Variants in UNC93A observed in about 807,000 individuals in gnomAD.
UNC93A encodes the protein unc-93 homolog A.
A neutral mutation model predicts 47.5 loss-of-function variants in UNC93A; 43 were observed. That is an observed-to-expected ratio of 0.91 (90% CI 0.71 to 1.17). UNC93A has a LOEUF of 1.17. UNC93A is among the 50% of genes most tolerant of loss of function. The pLI is 0.00. For synonymous variants in UNC93A, 280 were observed against 258.0 expected, an observed-to-expected ratio of 1.09 and a Z score of -0.82; for missense variants, 605 against 577.6, an observed-to-expected ratio of 1.05 and a Z score of -0.49.
At chr6:167,299,131 T>C (rs2346118) in intron 4 of UNC93A, among the ~76,000 whole-genome samples, 2 of 136,402 alleles carry the variant, frequency 1.5e-5, no homozygotes, top group East Asian at 4.2e-4. Flanking sequence ...AAAAAAAAAA[T>C]ACACACACAC....
rs1778448433 is a variant in UNC93A, at chr6:167,307,917, C to A, written c.1108+7C>A. 1 of 1,613,078 alleles carries A rather than the reference C, an allele frequency of 6.2e-7. No homozygotes were observed. The highest frequency in any genetic ancestry group is 8.5e-7 in the Non-Finnish European group (1 of 1,179,492). ...TGGCAGACACAAAACAATGGTGAGT[C>A]CCCAGCCCAGGCCCCTTCCTCTGTG... On this transcript the variant is annotated splice_region_variant and intron_variant, in intron 7 of 7. Coordinates refer to ENST00000230256, the MANE Select transcript of UNC93A (RefSeq NM_018974.4).
intron 1 of UNC93A, among the ~76,000 whole-genome samples, chr6:167,279,583 C>T (rs1201141104): frequency 6.6e-6 from 1 of 152,116 alleles, no homozygotes; most frequent in African/African-American, 2.4e-5. Context: ...AGATTTTTAA[C>T]CCATTGCTTA....
chr6:167,307,003 C>A (rs985759636), intron 6 of UNC93A, among the ~76,000 whole-genome samples: 2 of 152,198 alleles, frequency 1.3e-5, no homozygotes, highest in Non-Finnish European at 2.9e-5. Context: ...CCTGGGGGGT[C>A]TGTGGCCTCC....
chr6:167,285,405 A>C lies in UNC93A; in HGVS notation c.-51-6034A>C, dbSNP rs73260912. Among the ~76,000 whole-genome samples the C allele has an allele frequency of 2.0e-5, 3 of 151,826 alleles. 1 individual carries two copies. Among genetic ancestry groups the C allele is most frequent in the Admixed American group, 1.3e-4 (2 of 15,152 alleles). On this transcript the variant is annotated intron_variant, in intron 1 of 3. Coordinates refer to the UNC93A transcript ENST00000503433. The stretch of plus-strand genomic sequence containing the variant: ...TGCTTCTTTACAGCTCATCATAAAC[A>C]GGTCAGGACAAAAGGAGTTGCCAGC...
chr6:167,311,436 C>T (rs1315246754), intron 7 of UNC93A, among the ~76,000 whole-genome samples: 2 of 152,238 alleles, frequency 1.3e-5, no homozygotes, highest in Admixed American at 1.3e-4. Context: ...CTCCTCTCTG[C>T]TTATTCCCTC....
At position 167,296,035 on chromosome 6, in the gene UNC93A, C is replaced by T. The variant is rs999615072; in HGVS notation, c.273C>T (p.Tyr91=). ...FSVGNFFASW[Y]TLIPTSILLG... ...TGGGTCTGCATTTTACCCACAGGTA[C>T]ACTTTGATCCCCACCTCCATACTGC... Residue 91 remains tyrosine, a synonymous_variant, in exon 3 of 8, where the codon TAC becomes TAT. Coordinates refer to ENST00000230256, the MANE Select transcript of UNC93A (RefSeq NM_018974.4). 5 of 1,614,040 alleles carry T rather than the reference C, an allele frequency of 3.1e-6. No homozygotes were observed. The highest frequency in any genetic ancestry group is 2.2e-5 in the South Asian group (2 of 91,074).
intron 7 of UNC93A, among the ~76,000 whole-genome samples, chr6:167,308,679 G>A (rs1883180): frequency 0.28 from 41,944 of 150,784 alleles, 6,161 homozygotes; most frequent in East Asian, 0.53. Context: ...GTGGCAAGTC[G>A]GGTCCCCAAG....
At chr6:167,285,294 C>T (rs1783707263) in intron 1 of UNC93A, among the ~76,000 whole-genome samples, 1 of 151,910 alleles carries the variant, frequency 6.6e-6, no homozygotes, top group African/African-American at 2.4e-5. Flanking sequence ...GTCTAAAGTG[C>T]AGAATTCGGG....
At chr6:167,294,934 A>C (rs1778012084) in intron 2 of UNC93A, among the ~76,000 whole-genome samples, 1 of 151,576 alleles carries the variant, frequency 6.6e-6, no homozygotes, top group Non-Finnish European at 1.5e-5. Context: ...CCTCCTCCCG[A>C]TCCCCGATGC....
At chr6:167,272,812 G>T (rs567531918) in intron 1 of UNC93A, among the ~76,000 whole-genome samples, 11 of 152,154 alleles carry the variant, frequency 7.2e-5, no homozygotes, top group African/African-American at 2.7e-4. Flanking sequence ...ATTTACAGAG[G>T]AAGCCTTCAG....
At chr6:167,300,924 A>G (rs1203477525) in intron 4 of UNC93A, among the ~76,000 whole-genome samples, 1 of 152,242 alleles carries the variant, frequency 6.6e-6, no homozygotes, top group African/African-American at 2.4e-5. Context: ...TGAAGGGCTG[A>G]CAGCAAATAT....
chr6:167,270,457 C>T (rs113084757), upstream of UNC93A, among the ~76,000 whole-genome samples: 935 of 152,112 alleles, frequency 6.1e-3, 12 homozygotes, highest in African/African-American at 0.021. Flanking sequence ...GATGAGGGAG[C>T]AGGGCCCCAT....
At chr6:167,287,309 G>C (rs1449444734), upstream of UNC93A, among the ~76,000 whole-genome samples, 1 of 152,190 alleles carries the variant, frequency 6.6e-6, no homozygotes, top group Non-Finnish European at 1.5e-5. Context: ...CAGCCGAGCT[G>C]CTCTCTCCAA....
intron 2 of UNC93A, among the ~76,000 whole-genome samples, chr6:167,295,344 C>T (rs1017897522): frequency 2.7e-4 from 41 of 152,264 alleles, no homozygotes; most frequent in African/African-American, 7.7e-4. Context: ...AGGCCCGAGC[C>T]GGTCACTAGG....
At chr6:167,314,195 G>A (rs369149457) in intron 7 of UNC93A, among the ~76,000 whole-genome samples, 4 of 151,912 alleles carry the variant, frequency 2.6e-5, no homozygotes, top group African/African-American at 9.7e-5. Context: ...GGTGGGCAGA[G>A]CGAATCTTCG....
intron 7 of UNC93A, among the ~76,000 whole-genome samples, chr6:167,309,285 AC>A (rs1400364203): frequency 6.6e-6 from 1 of 152,218 alleles, no homozygotes; most frequent in Non-Finnish European, 1.5e-5. Flanking sequence ...GAGGAAGGTC[AC>A]TAGGAAGAGA....
chr6:167,315,531 G>T lies in UNC93A; in HGVS notation c.*79G>T, dbSNP rs1778670602. On this transcript the variant is annotated 3_prime_UTR_variant, in exon 8 of 8. Transcript: ENST00000230256. ...CTTAGAAGATGCCTCAGGACATAGA[G>T]CGGCTCCTCATCACCATCTCAGCAC... 6.2e-7 allele frequency: 1 copy of T among 1,606,530 alleles called. No homozygotes were observed. Among genetic ancestry groups the T allele is most frequent in the Non-Finnish European group, 8.5e-7 (1 of 1,177,048 alleles).
intron 7 of UNC93A, among the ~76,000 whole-genome samples, chr6:167,309,844 A>G (rs2115177786): frequency 6.6e-6 from 1 of 152,278 alleles, no homozygotes; most frequent in East Asian, 1.9e-4. Context: ...CCAGTAATGC[A>G]GGTGGACCTA....
chr6:167,273,902 T>G (rs2115069224), intron 1 of UNC93A, among the ~76,000 whole-genome samples: 2 of 152,164 alleles, frequency 1.3e-5, no homozygotes, highest in Non-Finnish European at 2.9e-5. Context: ...TGATGCAGCC[T>G]CCAGGTAGCA....
Sources: gnomAD v4.1 joint callset for allele counts (sites outside exome capture counted in the v4.1 genomes callset) on GRCh38, gnomAD v4.1.1 for gene constraint, MANE v1.5 for transcripts, NCBI Gene and HGNC (gene_info 2026-07-23, HGNC 2026-07-21) for gene names.